ASTN1: variants seen among roughly 807,000 people sequenced by gnomAD.
ASTN1 encodes astrotactin 1, also known as astrotactin-1.
A neutral mutation model predicts 140.7 loss-of-function variants in ASTN1; 41 were observed. The ratio of observed to expected loss-of-function variants is 0.29; its 90% CI spans 0.23 to 0.38. ASTN1 has a LOEUF of 0.38. Among genes scored for constraint, ASTN1 ranks in the 10% least tolerant of loss-of-function variants. ASTN1 has a pLI of 1.00. For missense variants in ASTN1, 1,479 were observed against 1,678.8 expected, an observed-to-expected ratio of 0.88 and a Z score of 2.08; for synonymous variants, 640 against 652.2, an observed-to-expected ratio of 0.98 and a Z score of 0.29.
intron 10 of ASTN1, among the ~76,000 whole-genome samples, chr1:176,958,144 C>T (rs1672497561): frequency 6.6e-6 from 1 of 152,136 alleles, no homozygotes; most frequent in African/African-American, 2.4e-5. Flanking sequence ...TGTCTTCTTC[C>T]AGTGAATGAG....
chr1:177,033,123 C>G (rs202095543), intron 2 of ASTN1, among the ~76,000 whole-genome samples: 1 of 146,234 alleles, frequency 6.8e-6, no homozygotes, highest in Non-Finnish European at 1.5e-5. Flanking sequence ...AGAAACAAGT[C>G]TGTGTGTGTG....
intron 11 of ASTN1, among the ~76,000 whole-genome samples, chr1:176,950,986 CCTT>C (rs1317773695): frequency 6.6e-6 from 1 of 152,144 alleles, no homozygotes; most frequent in East Asian, 1.9e-4. Context: ...ACTCACCTCT[CCTT>C]CCTCCTCTTT....
chr1:176,864,453 G>C lies in ASTN1; in HGVS notation c.3716C>G (p.Pro1239Arg), dbSNP rs757918315. The C allele has an allele frequency of 6.2e-7, 1 of 1,614,112 alleles. No homozygotes were observed. Among genetic ancestry groups the C allele is most frequent in the Admixed American group, 1.7e-5 (1 of 60,014 alleles). ...SSWCNGLLQE[P>R]KISLRRSSLK... ...TGAGCTGCGCCGCAAGCTTATCTTG[G>C]GTTCCTGAAGGAGTCCATTGCACCA... The change falls in exon 23 of 23, where the codon CCC becomes CGC. Residue 1239 changes from proline to arginine, a missense_variant. Pro to Arg is a moderately radical substitution (Grantham distance 103). This residue lies in a region of ASTN1 where 746 missense variants were observed against 800.9 expected (regional missense o/e 0.93). Coordinates refer to ENST00000361833, the MANE Select transcript of ASTN1 (RefSeq NM_004319.3).
At chr1:176,904,425 G>A (rs991186195) in intron 16 of ASTN1, among the ~76,000 whole-genome samples, 4 of 152,150 alleles carry the variant, frequency 2.6e-5, no homozygotes, top group African/African-American at 9.7e-5. Flanking sequence ...GATCTGTGCT[G>A]GATTATCCCT....
chr1:177,119,898 A>G (rs1681291890), intron 1 of ASTN1, among the ~76,000 whole-genome samples: 1 of 152,160 alleles, frequency 6.6e-6, no homozygotes, highest in African/African-American at 2.4e-5. Context: ...CTGCCCCCTC[A>G]GTCCTGAAAT....
chr1:176,987,867 C>G (rs1673977610), intron 8 of ASTN1, among the ~76,000 whole-genome samples: 1 of 152,168 alleles, frequency 6.6e-6, no homozygotes, highest in Admixed American at 6.5e-5. Context: ...TTGAGAGACA[C>G]ATCTGAGGTG....
At chr1:177,016,643 C>A (rs992991688) in intron 7 of ASTN1, among the ~76,000 whole-genome samples, 4 of 152,054 alleles carry the variant, frequency 2.6e-5, no homozygotes, top group Non-Finnish European at 5.9e-5. Flanking sequence ...TTCTCAATTC[C>A]AAAGAAAGCA....
intron 1 of ASTN1, among the ~76,000 whole-genome samples, chr1:177,087,866 C>G (rs999840640): frequency 1.2e-4 from 18 of 152,308 alleles, no homozygotes; most frequent in African/African-American, 4.1e-4. Context: ...TTTCACCTCA[C>G]TGAGTGAAGT....
At chr1:177,031,980 T>G (rs1174974198) in intron 3 of ASTN1, among the ~76,000 whole-genome samples, 1 of 152,128 alleles carries the variant, frequency 6.6e-6, no homozygotes, top group Non-Finnish European at 1.5e-5. Flanking sequence ...CACAGAGGCA[T>G]GAGCAAGATA....
intron 16 of ASTN1, among the ~76,000 whole-genome samples, chr1:176,906,205 A>G (rs1199438717): frequency 6.6e-6 from 1 of 152,204 alleles, no homozygotes; most frequent in Non-Finnish European, 1.5e-5. Flanking sequence ...GGGAGTTTAG[A>G]ATGGATACAA....
At position 177,061,697 on chromosome 1, in the gene ASTN1, T is replaced by C. The variant is rs183372118; in HGVS notation, c.284-432A>G. ...ACCAGTAAATTTACCAAGGAGAGAGTTGGTAATTACTGTGAAGACAACTGG... is the reference window on the plus strand; with the variant it reads ...ACCAGTAAATTTACCAAGGAGAGAGCTGGTAATTACTGTGAAGACAACTGG... On this transcript the variant is annotated intron_variant, in intron 1 of 22. Transcript: ENST00000361833. Among the ~76,000 whole-genome samples, 149 of 151,962 alleles carry C rather than the reference T, an allele frequency of 9.8e-4. 1 individual carries two copies. The highest frequency in any genetic ancestry group is 3.5e-3 in the African/African-American group (145 of 41,424).
At chr1:177,128,225 T>C (rs972455669) in intron 1 of ASTN1, among the ~76,000 whole-genome samples, 2 of 152,308 alleles carry the variant, frequency 1.3e-5, no homozygotes, top group Middle Eastern at 3.4e-3. Flanking sequence ...CCATTTCTTT[T>C]TCTCACAAGC....
chr1:176,884,542 T>C (rs769024392), intron 18 of ASTN1, 52 bp from the exon 19 acceptor site: 2 of 1,558,112 alleles, frequency 1.3e-6, no homozygotes, highest in Non-Finnish European at 1.8e-6. Flanking sequence ...GTGACTCACT[T>C]TGGGCACTGA....
At chr1:177,105,529 A>T (rs1407493408) in intron 1 of ASTN1, among the ~76,000 whole-genome samples, 2 of 152,106 alleles carry the variant, frequency 1.3e-5, no homozygotes, top group Non-Finnish European at 2.9e-5. Flanking sequence ...CAATTTGGAA[A>T]TGTTCTGTGG....
At chr1:176,911,579 G>A (rs764359661) in intron 16 of ASTN1, among the ~76,000 whole-genome samples, 5 of 150,542 alleles carry the variant, frequency 3.3e-5, no homozygotes, top group African/African-American at 4.9e-5. Context: ...TGTTAAAAAC[G>A]AAGACACAAA....
At chr1:176,883,451 C>A (rs1292465672) in intron 19 of ASTN1, among the ~76,000 whole-genome samples, 2 of 152,142 alleles carry the variant, frequency 1.3e-5, no homozygotes, top group Non-Finnish European at 2.9e-5. Flanking sequence ...AGCTCGGCCT[C>A]CCAAAGTGCT....
chr1:176,939,639 T>C (rs1671628348), intron 14 of ASTN1, among the ~76,000 whole-genome samples: 1 of 152,112 alleles, frequency 6.6e-6, no homozygotes, highest in Non-Finnish European at 1.5e-5. Flanking sequence ...TTAAAAAATT[T>C]TTATTATTTT....
At chr1:177,110,766 C>A (rs544900230) in intron 1 of ASTN1, among the ~76,000 whole-genome samples, 17 of 152,270 alleles carry the variant, frequency 1.1e-4, no homozygotes, top group African/African-American at 3.6e-4. Flanking sequence ...GAGCCACAGT[C>A]GGGACTCAAG....
chr1:177,083,244 C>T (rs546486783), intron 1 of ASTN1, among the ~76,000 whole-genome samples: 1 of 152,092 alleles, frequency 6.6e-6, no homozygotes, highest in East Asian at 1.9e-4. Flanking sequence ...GAGTCTAGGG[C>T]CATATGTTTT....
Sources: allele counts gnomAD v4.1 joint callset (sites outside exome capture counted in the v4.1 genomes callset), GRCh38; gene constraint gnomAD v4.1.1; regional missense constraint gnomAD v4.1.1; transcripts MANE v1.5; gene names NCBI Gene and HGNC (gene_info 2026-07-23, HGNC 2026-07-21).